PRDM5: variants seen among roughly 807,000 people sequenced by gnomAD.
PRDM5 encodes PR/SET domain 5, also known as PR domain zinc finger protein 5.
Under a neutral mutation model 81.2 loss-of-function variants are expected in PRDM5, and 56 were observed. The observed-to-expected ratio is 0.69, with a 90% CI of 0.56 to 0.86. The LOEUF is 0.86. PRDM5 is among the 40% of genes least tolerant of loss of function. The pLI is 0.00. For synonymous variants in PRDM5, 267 were observed against 256.4 expected, an observed-to-expected ratio of 1.04 and a Z score of -0.39; for missense variants, 697 against 770.1, an observed-to-expected ratio of 0.91 and a Z score of 1.12.
intron 2 of PRDM5, among the ~76,000 whole-genome samples, chr4:120,875,724 T>C (rs1762272569): frequency 6.6e-6 from 1 of 152,178 alleles, no homozygotes; most frequent in Non-Finnish European, 1.5e-5. Context: ...AAAAAAGTAG[T>C]AGAGTAGTAG....
intron 2 of PRDM5, among the ~76,000 whole-genome samples, chr4:120,886,935 ACTCTT>A (rs1175675256): frequency 1.4e-5 from 2 of 146,872 alleles, no homozygotes; most frequent in Non-Finnish European, 3.0e-5. Flanking sequence ...GTCATTCTTG[ACTCTT>A]CTCTTTCTTT....
intron 6 of PRDM5, 62 bp downstream of exon 6, chr4:120,816,770 G>A (rs1419513914): frequency 6.6e-7 from 1 of 1,514,174 alleles, no homozygotes; most frequent in Non-Finnish European, 9.2e-7. Flanking sequence ...AAGCATGAAA[G>A]TATGCATGCA....
intron 14 of PRDM5, among the ~76,000 whole-genome samples, chr4:120,743,606 C>CA: frequency 1.0e-5 from 1 of 97,716 alleles, no homozygotes; most frequent in Admixed American, 1.1e-4. Context: ...AAATGGAAAA[C>CA]AAAAAAAGGC....
rs143700620 is a variant in PRDM5 at position 120,716,662 on chromosome 4, G to C, written c.1624-6249C>G. Among the ~76,000 whole-genome samples, 45 of 152,298 alleles carry C rather than the reference G, an allele frequency of 3.0e-4. No homozygotes were observed. The East Asian group carries it at 5.6e-3, about 19-fold the overall frequency. The stretch of plus-strand genomic sequence containing the variant: ...TATAATTCATGGCAGATACTAGTCA[G>C]ACTGTCTATAGTGCTCCTTGAAGGA... On this transcript the variant is annotated intron_variant, in intron 14 of 15. Transcript: ENST00000264808.
chr4:120,922,567 G>A lies in PRDM5; in HGVS notation c.42C>T (p.Ser14=). The A allele has an allele frequency of 1.2e-6, 2 of 1,611,094 alleles. No homozygotes were observed. Among genetic ancestry groups the A allele is most frequent in the East Asian group, 2.2e-5 (1 of 44,750 alleles). The change falls in exon 1 of 16, where the codon TCC becomes TCT. Residue 14 remains serine, a synonymous_variant. Transcript: ENST00000264808. Reference sequence around the variant, plus strand: ...GCCCCATGCCGTCCTGAACCCGGGAGGACTTCAGGGAGAACCTGTCCGGCA... The same window carrying A: ...GCCCCATGCCGTCCTGAACCCGGGAAGACTTCAGGGAGAACCTGTCCGGCA... The part of the protein sequence containing the change: ...MYVPDRFSLK[S]SRVQDGMGLY...
At chr4:120,734,782 G>A (rs1000012894) in intron 14 of PRDM5, among the ~76,000 whole-genome samples, 9 of 152,004 alleles carry the variant, frequency 5.9e-5, no homozygotes, top group African/African-American at 2.2e-4. Context: ...CAGACTAAAC[G>A]CTCCTCTGTT....
Position 120,777,334 on chromosome 4 carries a change from G to A in PRDM5, c.1444-53C>T, listed in dbSNP as rs556433890. 1,074 of 1,611,348 alleles carry A rather than the reference G, an allele frequency of 6.7e-4. 6 individuals are homozygous for A. Among genetic ancestry groups the A allele is most frequent in the Middle Eastern group, 1.3e-3 (8 of 6,040 alleles). The stretch of plus-strand genomic sequence containing the variant: ...GGATAAATACAAAGAATTAGGTAAA[G>A]ATGATTAAATGCCTCTGACAATAGT... On this transcript the variant is annotated intron_variant, in intron 12 of 15. Transcript: ENST00000264808.
intron 3 of PRDM5, among the ~76,000 whole-genome samples, chr4:120,836,927 T>C (rs1406158158): frequency 6.6e-6 from 1 of 152,186 alleles, no homozygotes; most frequent in Non-Finnish European, 1.5e-5. Flanking sequence ...TTTATCATTA[T>C]TATTAATAAA....
chr4:120,698,340 T>A (rs1463408067), intron 15 of PRDM5, among the ~76,000 whole-genome samples: 5 of 152,154 alleles, frequency 3.3e-5, no homozygotes, highest in African/African-American at 1.2e-4. Context: ...TTCCTTTAGT[T>A]TCTATAATGA....
intron 3 of PRDM5, among the ~76,000 whole-genome samples, chr4:120,825,128 G>T (rs1415689820): frequency 6.6e-6 from 1 of 152,062 alleles, no homozygotes; most frequent in African/African-American, 2.4e-5. Context: ...CTATGTGACT[G>T]AGCAAACAGC....
chr4:120,729,215 G>T (rs1739894536), intron 14 of PRDM5, among the ~76,000 whole-genome samples: 1 of 152,136 alleles, frequency 6.6e-6, no homozygotes, highest in African/African-American at 2.4e-5. Flanking sequence ...ACATATAACT[G>T]CCTCCATTAG....
In PRDM5 at chr4:120,853,460, A is replaced by G. The variant is rs1376909366; in HGVS notation, c.258T>C (p.His86=). Reference sequence around the variant, plus strand: ...TCTTCTGCTCCTGAGATGGTGCCTCATGAACGAAGCGAAGCCAGTTGGAGT... The same window carrying G: ...TCTTCTGCTCCTGAGATGGTGCCTCGTGAACGAAGCGAAGCCAGTTGGAGT... ...PRHSNWLRFV[H]EAPSQEQKNL... Residue 86 remains histidine (H), a synonymous_variant, in exon 3 of 16, where the codon CAT becomes CAC. Coordinates refer to ENST00000264808, the MANE Select transcript of PRDM5 (RefSeq NM_018699.4). 6.2e-7 allele frequency: 1 copy of G among 1,613,814 alleles called. No homozygotes were observed.
At chr4:120,865,775 C>G (rs1761140423) in intron 2 of PRDM5, among the ~76,000 whole-genome samples, 1 of 152,116 alleles carries the variant, frequency 6.6e-6, no homozygotes, top group Admixed American at 6.6e-5. Flanking sequence ...CTCCGGGGTT[C>G]TCATCTACTC....
chr4:120,866,241 T>C (rs1276788796), intron 2 of PRDM5, among the ~76,000 whole-genome samples: 1 of 152,194 alleles, frequency 6.6e-6, no homozygotes, highest in African/African-American at 2.4e-5. Flanking sequence ...GCCCTAGCCA[T>C]CTAAGAATGC....
chr4:120,825,451 C>G (rs1459325973), intron 3 of PRDM5, among the ~76,000 whole-genome samples: 1 of 151,872 alleles, frequency 6.6e-6, no homozygotes, highest in Admixed American at 6.6e-5. Context: ...TATAAGACAT[C>G]CAGCTCATTA....
At chr4:120,833,180 A>C (rs1756926759) in intron 3 of PRDM5, among the ~76,000 whole-genome samples, 1 of 152,152 alleles carries the variant, frequency 6.6e-6, no homozygotes, top group Admixed American at 6.5e-5. Flanking sequence ...ATTCAATGAC[A>C]AATTCCAGAA....
At chr4:120,769,430 A>G (rs1024173557) in intron 13 of PRDM5, among the ~76,000 whole-genome samples, 3 of 152,150 alleles carry the variant, frequency 2.0e-5, no homozygotes, top group African/African-American at 7.2e-5. Context: ...GTAACACGTA[A>G]TTGGAGACTG....
At chr4:120,863,175 A>AT (rs1553997141) in intron 2 of PRDM5, among the ~76,000 whole-genome samples, 1,512 of 60,686 alleles carry the variant, frequency 0.025, 23 homozygotes, top group Non-Finnish European at 0.037. Context: ...AAAAAAAAAA[A>AT]ATATATATAT....
chr4:120,853,244 A>T (rs1467757274), intron 3 of PRDM5, among the ~76,000 whole-genome samples, 174 bp downstream of exon 3: 1 of 152,194 alleles, frequency 6.6e-6, no homozygotes, highest in Non-Finnish European at 1.5e-5. Context: ...GTTAGTTTAC[A>T]GCTAGGCTTG....
Sources: gnomAD v4.1 joint callset for allele counts (sites outside exome capture counted in the v4.1 genomes callset) on GRCh38, gnomAD v4.1.1 for gene constraint, MANE v1.5 for transcripts, NCBI Gene and HGNC (gene_info 2026-07-23, HGNC 2026-07-21) for gene names.